The following TRHDE variants were observed in gnomAD, a reference collection of about 807,000 sequenced individuals.
The protein encoded by TRHDE is thyrotropin releasing hormone degrading enzyme.
A neutral mutation model predicts 125.7 loss-of-function variants in TRHDE; 72 were observed. The ratio of observed to expected loss-of-function variants is 0.57; its 90% CI spans 0.47 to 0.70. The LOEUF (loss-of-function observed/expected upper bound fraction) is 0.70, where lower values mean the gene tolerates loss of function less well. Ranked by LOEUF, TRHDE falls within the 30% of genes least tolerant of loss-of-function variation. TRHDE has a pLI of 0.00. For synonymous variants in TRHDE, 509 were observed against 509.1 expected (o/e 1.00, Z 0.00); for missense variants, 1,110 against 1,327.1 (o/e 0.84, Z 2.54).
chr12:72,224,166 G>GTATC (rs368211232), intron 2 of TRHDE, among the ~76,000 whole-genome samples: 7,247 of 62,658 alleles, frequency 0.12, 302 homozygotes, highest in East Asian at 0.2. Context: ...ATGTATGTAT[G>GTATC]TATCTATCTA....
intron 2 of TRHDE, among the ~76,000 whole-genome samples, chr12:72,266,490 T>C (rs1879072884): frequency 6.6e-6 from 1 of 151,544 alleles, no homozygotes; most frequent in Admixed American, 6.6e-5. Context: ...CTTTTTATCA[T>C]TATCTTACAA....
intron 15 of TRHDE, among the ~76,000 whole-genome samples, chr12:72,643,722 C>T (rs1228132457): frequency 6.6e-6 from 1 of 152,152 alleles, no homozygotes; most frequent in Non-Finnish European, 1.5e-5. Flanking sequence ...TATACTGCTA[C>T]TTTATGTCCT....
chr12:72,647,611 A>C (rs1874335047), intron 15 of TRHDE, among the ~76,000 whole-genome samples: 2 of 152,050 alleles, frequency 1.3e-5, no homozygotes, highest in Admixed American at 6.6e-5. Context: ...CTGATGCCAC[A>C]GACATAAAGA....
intron 3 of TRHDE, among the ~76,000 whole-genome samples, chr12:72,396,572 C>G (rs1872799440): frequency 6.6e-6 from 1 of 152,032 alleles, no homozygotes; most frequent in Admixed American, 6.6e-5. Flanking sequence ...GGGGAAACCC[C>G]ATCTCTACTA....
At chr12:72,099,320 C>G (rs140191223) in intron 1 of TRHDE, among the ~76,000 whole-genome samples, 4 of 152,278 alleles carry the variant, frequency 2.6e-5, no homozygotes, top group Non-Finnish European at 4.4e-5. Context: ...TATTAGCCCT[C>G]CATCATTTCT....
chr12:72,333,575 C>T (rs1869700020), intron 2 of TRHDE, among the ~76,000 whole-genome samples: 1 of 152,122 alleles, frequency 6.6e-6, no homozygotes. Context: ...GCGATAGGAA[C>T]CCAGGAGATA....
At chr12:72,165,936 A>T (rs1876737377) in intron 2 of TRHDE, among the ~76,000 whole-genome samples, 1 of 152,044 alleles carries the variant, frequency 6.6e-6, no homozygotes. Context: ...TGGCCTCCCA[A>T]AGTGCTGGGA....
exon 1 of TRHDE, chr12:72,087,431 G>C (rs1874695261): frequency 6.6e-6 from 1 of 152,246 alleles, no homozygotes; most frequent in African/African-American, 2.4e-5. Flanking sequence ...AACATGGCTT[G>C]GTGAAGAGGT....
chr12:72,317,423 T>G (rs1291294983), intron 2 of TRHDE, among the ~76,000 whole-genome samples: 1 of 152,140 alleles, frequency 6.6e-6, no homozygotes, highest in African/African-American at 2.4e-5. Flanking sequence ...TAATAGAAAT[T>G]TATTTCTCAC....
At chr12:72,518,659 T>C (rs1454059061) in intron 6 of TRHDE, among the ~76,000 whole-genome samples, 1 of 152,044 alleles carries the variant, frequency 6.6e-6, no homozygotes, top group Non-Finnish European at 1.5e-5. Flanking sequence ...AAAGTTAATA[T>C]TGTTATGTGT....
chr12:72,492,122 G>T (rs974991996), intron 5 of TRHDE, among the ~76,000 whole-genome samples: 5 of 151,926 alleles, frequency 3.3e-5, no homozygotes, highest in African/African-American at 1.2e-4. Flanking sequence ...GGCTGCAAGA[G>T]AAAATAATTA....
chr12:72,635,890 C>G lies in TRHDE; in HGVS notation c.2675+14139C>G, dbSNP rs1476595296. Among the ~76,000 whole-genome samples the G allele has an allele frequency of 3.4e-3, 514 of 152,062 alleles. 6 individuals carry two copies. Among genetic ancestry groups the G allele is most frequent in the African/African-American group, 8.6e-3 (358 of 41,462 alleles). On this transcript the variant is annotated intron_variant, in intron 15 of 18. Transcript: ENST00000261180. ...TCTGTTTTGGTACCAGTACCATGCT[C>G]TTTTGGTTACTGTAGCCTTGTAGTA...
chr12:72,312,048 CTTAAAA>C (rs1432510584), intron 2 of TRHDE, among the ~76,000 whole-genome samples: 1 of 152,160 alleles, frequency 6.6e-6, no homozygotes, highest in Admixed American at 6.6e-5. Flanking sequence ...GTTATAGACA[CTTAAAA>C]TACATCTTGC....
At chr12:72,090,633 G>C (rs1874767452) in intron 1 of TRHDE, among the ~76,000 whole-genome samples, 1 of 152,008 alleles carries the variant, frequency 6.6e-6, no homozygotes, top group Non-Finnish European at 1.5e-5. Context: ...TGCTATGTTA[G>C]GACTGGGAGT....
chr12:72,171,863 C>G (rs1476501158), intron 2 of TRHDE, among the ~76,000 whole-genome samples: 1 of 152,178 alleles, frequency 6.6e-6, no homozygotes, highest in Admixed American at 6.5e-5. Context: ...CACCAATCTT[C>G]CAGCTGTTGA....
chr12:72,144,306 A>G (rs1464133908), intron 2 of TRHDE, among the ~76,000 whole-genome samples: 1 of 152,222 alleles, frequency 6.6e-6, no homozygotes, highest in Admixed American at 6.5e-5. Context: ...CCCATCCTTT[A>G]ACGTTCTGGC....
intron 2 of TRHDE, among the ~76,000 whole-genome samples, chr12:72,323,031 TC>T (rs1869170566): frequency 6.6e-6 from 1 of 152,148 alleles, no homozygotes; most frequent in South Asian, 2.1e-4. Flanking sequence ...TTTCCAAAGT[TC>T]TTTCCAGTGC....
chr12:72,561,702 A>T (rs2136010064), intron 7 of TRHDE, among the ~76,000 whole-genome samples: 1 of 152,340 alleles, frequency 6.6e-6, no homozygotes, highest in African/African-American at 2.4e-5. Context: ...ATTGAAATGG[A>T]GACAGATTGT....
At chr12:72,224,847 A>G (rs146857462) in intron 2 of TRHDE, among the ~76,000 whole-genome samples, 37 of 152,298 alleles carry the variant, frequency 2.4e-4, no homozygotes, top group African/African-American at 8.7e-4. Flanking sequence ...TCTCTCCACT[A>G]ATGCAACTAC....
Sources: gnomAD v4.1 joint callset for allele counts (sites outside exome capture counted in the v4.1 genomes callset) on GRCh38, gnomAD v4.1.1 for gene constraint, MANE v1.5 for transcripts, NCBI Gene and HGNC (gene_info 2026-07-23, HGNC 2026-07-21) for gene names.